NXPE2: variants seen among roughly 807,000 people sequenced by gnomAD.
NXPE2 encodes NXPE family member 2.
In NXPE2, 34 loss-of-function variants were observed where a neutral mutation model predicts 34.4. The ratio of observed to expected loss-of-function variants is 0.99; its 90% confidence interval spans 0.75 to 1.31. The LOEUF (loss-of-function observed/expected upper bound fraction) is 1.31. Among genes scored for constraint, NXPE2 ranks in the 40% most tolerant of loss-of-function variants. The probability of loss-of-function intolerance (pLI) is 0.00; values close to 1 mark genes in which losing one functional copy is unlikely to be tolerated. For synonymous variants in NXPE2, 235 were observed against 231.3 expected, an observed-to-expected ratio of 1.02 and a Z score of -0.15; for missense variants, 649 against 672.5, an observed-to-expected ratio of 0.97 and a Z score of 0.39.
the NXPE2 span, among the ~76,000 whole-genome samples, chr11:114,592,828 C>G: frequency 6.6e-6 from 1 of 152,186 alleles, no homozygotes; most frequent in Middle Eastern, 3.4e-3. Flanking sequence ...AATATAGTCA[C>G]ATACACCAAT....
the NXPE2 span, among the ~76,000 whole-genome samples, chr11:114,548,217 A>G: frequency 1.3e-5 from 2 of 152,142 alleles, no homozygotes; most frequent in African/African-American, 4.8e-5. Flanking sequence ...ATACTTAGAG[A>G]AATTCACTTT....
the NXPE2 span, among the ~76,000 whole-genome samples, chr11:114,768,176 C>A: frequency 6.6e-6 from 1 of 152,142 alleles, no homozygotes; most frequent in African/African-American, 2.4e-5. Context: ...GAATCCTTTC[C>A]CCATTTCTTG....
chr11:114,688,926 A>G (rs1951097057), intron 2 of NXPE2, among the ~76,000 whole-genome samples: 1 of 152,050 alleles, frequency 6.6e-6, no homozygotes, highest in African/African-American at 2.4e-5. Flanking sequence ...TTTCTGTGGG[A>G]TTGATTGTGA....
the NXPE2 span, among the ~76,000 whole-genome samples, chr11:114,771,016 C>A: frequency 2.6e-5 from 4 of 152,072 alleles, no homozygotes; most frequent in African/African-American, 9.7e-5. Flanking sequence ...ATATTATGCA[C>A]CTGGCTCTGA....
At chr11:114,554,173 C>T in the NXPE2 span, 3 of 985,244 alleles carry the variant, frequency 3.0e-6, no homozygotes, top group African/African-American at 5.2e-5. Context: ...CGCTAGTTGT[C>T]TCTTTCATCA....
chr11:114,570,505 T>C, the NXPE2 span: 1 of 156,542 alleles, frequency 6.4e-6, no homozygotes, highest in African/African-American at 2.4e-5. Context: ...TCTATGACTA[T>C]GGGAGAATTG....
the NXPE2 span, among the ~76,000 whole-genome samples, chr11:114,802,286 A>G: frequency 9.2e-5 from 14 of 152,272 alleles, no homozygotes; most frequent in East Asian, 5.8e-4. Context: ...CTCCCCGTCA[A>G]TCTTTCAACT....
At chr11:114,499,223 G>A in the NXPE2 span, among the ~76,000 whole-genome samples, 1 of 151,992 alleles carries the variant, frequency 6.6e-6, no homozygotes, top group Non-Finnish European at 1.5e-5. Context: ...TGTGAATAAA[G>A]CCTAATTCTT....
At chr11:114,567,521 G>A in the NXPE2 span, among the ~76,000 whole-genome samples, 35 of 151,884 alleles carry the variant, frequency 2.3e-4, no homozygotes, top group Non-Finnish European at 2.4e-4. Flanking sequence ...TTTGGACACC[G>A]TCCCTCAGCC....
chr11:114,810,898 T>C, the NXPE2 span, among the ~76,000 whole-genome samples: 3 of 152,108 alleles, frequency 2.0e-5, no homozygotes, highest in Non-Finnish European at 4.4e-5. Flanking sequence ...CATATGTTTA[T>C]AGTGGCACTA....
the NXPE2 span, among the ~76,000 whole-genome samples, chr11:114,794,664 A>G: frequency 0.12 from 17,623 of 152,236 alleles, 1,117 homozygotes; most frequent in Admixed American, 0.19. Context: ...TCTGTTCTGT[A>G]TGCAGCTACT....
rs773603748 is a variant in NXPE2 at position 114,698,672 on chromosome 11, T to A, written c.760T>A (p.Tyr254Asn). The stretch of plus-strand genomic sequence containing the variant: ...GGATGACAGAGACCAAGAAGCCTTC[T>A]ACTGTGTGAGGCCTCAACATATGCC... ...YMDDRDQEAF[Y>N]CVRPQHMPCE... The change falls in exon 3 of 6, where the codon TAC becomes AAC. Residue 254 changes from tyrosine to asparagine, a missense_variant. Transcript: ENST00000389586. The A allele has an allele frequency of 1.4e-5, 22 of 1,614,064 alleles. No individual in the cohort carries two copies. In the African/African-American group the frequency reaches 2.8e-4, roughly 21 times the overall value.
chr11:114,770,855 G>A, the NXPE2 span, among the ~76,000 whole-genome samples: 2 of 152,102 alleles, frequency 1.3e-5, no homozygotes. Flanking sequence ...ATTGATCTTT[G>A]GCATCAGAAA....
chr11:114,654,507 G>T, the NXPE2 span, among the ~76,000 whole-genome samples: 1 of 151,930 alleles, frequency 6.6e-6, no homozygotes, highest in Non-Finnish European at 1.5e-5. Context: ...GGTGTGTGTT[G>T]TTCCCCTCTC....
chr11:114,628,756 A>C, the NXPE2 span, among the ~76,000 whole-genome samples: 1 of 151,894 alleles, frequency 6.6e-6, no homozygotes, highest in Non-Finnish European at 1.5e-5. Flanking sequence ...AAGGATCAAC[A>C]AAATTGATAG....
At chr11:114,792,648 T>C in the NXPE2 span, among the ~76,000 whole-genome samples, 1 of 152,228 alleles carries the variant, frequency 6.6e-6, no homozygotes, top group Non-Finnish European at 1.5e-5. Flanking sequence ...AGTTCACCAG[T>C]AAGTACTCAT....
chr11:114,716,217 G>A, the NXPE2 span, among the ~76,000 whole-genome samples: 1 of 152,128 alleles, frequency 6.6e-6, no homozygotes, highest in Non-Finnish European at 1.5e-5. Flanking sequence ...TACCAAGATA[G>A]GAAACTCATA....
At chr11:114,801,565 G>A in the NXPE2 span, among the ~76,000 whole-genome samples, 1 of 152,186 alleles carries the variant, frequency 6.6e-6, no homozygotes, top group African/African-American at 2.4e-5. Flanking sequence ...TTAAAAGAGT[G>A]CCCTATGTGC....
chr11:114,721,150 T>C, the NXPE2 span, among the ~76,000 whole-genome samples: 1 of 151,876 alleles, frequency 6.6e-6, no homozygotes, highest in African/African-American at 2.4e-5. Flanking sequence ...ATCCTGGGGG[T>C]TGCGGGTTGT....
Sources: gnomAD v4.1 joint callset for allele counts (sites outside exome capture counted in the v4.1 genomes callset) on GRCh38, gnomAD v4.1.1 for gene constraint, MANE v1.5 for transcripts, NCBI Gene and HGNC (gene_info 2026-07-23, HGNC 2026-07-21) for gene names.